The following LDB1 variants were observed in gnomAD, a reference collection of about 807,000 sequenced individuals.
LDB1 encodes the protein LIM domain binding 1.
LDB1 carries 6 observed loss-of-function variants against 49.7 expected under a neutral mutation model. The ratio of observed to expected loss-of-function variants is 0.12; its 90% CI spans 0.07 to 0.24. LDB1 has a LOEUF of 0.24. LDB1 is among the 10% of genes least tolerant of loss of function. LDB1 has a pLI of 1.00. For missense variants in LDB1, 341 were observed against 561.7 expected, an observed-to-expected ratio of 0.61 and a Z score of 3.97; for synonymous variants, 233 against 202.0, an observed-to-expected ratio of 1.15 and a Z score of -1.30.
intron 1 of LDB1, among the ~76,000 whole-genome samples, chr10:102,112,775 C>T (rs2068274299): frequency 6.6e-6 from 1 of 152,168 alleles, no homozygotes; most frequent in Non-Finnish European, 1.5e-5. Context: ...GTTCCTCAGT[C>T]TAGGGGCAAG....
At chr10:102,114,927 C>T in intron 1 of LDB1, 1 of 788,316 alleles carries the variant, frequency 1.3e-6, no homozygotes, top group Non-Finnish European at 1.5e-6. Context: ...CAGCGCCCGC[C>T]GGCTGCCTGC....
downstream of LDB1, among the ~76,000 whole-genome samples, chr10:102,104,966 GA>G (rs1442109133): frequency 3.9e-5 from 6 of 152,074 alleles, no homozygotes; most frequent in Admixed American, 3.3e-4. Flanking sequence ...AGGGCTCAAT[GA>G]ATAATATTTG....
intron 1 of LDB1, chr10:102,114,590 C>G: frequency 1.0e-6 from 1 of 985,364 alleles, no homozygotes; most frequent in South Asian, 4.7e-5. Context: ...TGCCTCGGCC[C>G]GCCCCGCGGC....
intron 6 of LDB1, 35 bp downstream of exon 6, chr10:102,110,494 T>C (rs2068235680): frequency 1.3e-6 from 2 of 1,588,426 alleles, no homozygotes; most frequent in Non-Finnish European, 1.7e-6. Context: ...CAAACCCAGG[T>C]GCCATGGTGT....
intron 1 of LDB1, chr10:102,115,006 G>T: frequency 3.7e-6 from 1 of 272,372 alleles, no homozygotes; most frequent in Non-Finnish European, 5.6e-6. Context: ...TCAGAATGAG[G>T]CCCCAGGGCG....
chr10:102,120,224 G>C lies in LDB1; in HGVS notation c.-114C>G. 1.0e-6 allele frequency: 1 copy of C among 984,824 alleles called. No homozygotes were observed. Among genetic ancestry groups the C allele is most frequent in the Non-Finnish European group, 1.2e-6 (1 of 830,468 alleles). The allele number at this position is 984,824 out of a possible 1,614,324, so 61.0% of individuals were successfully genotyped here. On this transcript the variant is annotated 5_prime_UTR_variant, in exon 1 of 11. Transcript: ENST00000673968. ...CGCGGCCCCCGCTGCGCTCGCCGCCGGCCCGGCCCGGCCTCGGCCCGGTGC... is the reference window on the plus strand; with the variant it reads ...CGCGGCCCCCGCTGCGCTCGCCGCCCGCCCGGCCCGGCCTCGGCCCGGTGC...
chr10:102,119,023 T>A (rs1381137290), intron 1 of LDB1, among the ~76,000 whole-genome samples: 2 of 152,160 alleles, frequency 1.3e-5, no homozygotes, highest in Non-Finnish European at 2.9e-5. Flanking sequence ...CTGGGTCACA[T>A]GATTTTCAAG....
chr10:102,118,424 A>G (rs2068359998), intron 1 of LDB1, among the ~76,000 whole-genome samples: 1 of 146,748 alleles, frequency 6.8e-6, no homozygotes, highest in Non-Finnish European at 1.5e-5. Flanking sequence ...CTTCCCACCC[A>G]CCCACAAACC....
In LDB1 at chr10:102,111,264, T is replaced by A. The variant is rs373017029; in HGVS notation, c.165A>T (p.Pro55=). The A allele has an allele frequency of 9.3e-6, 15 of 1,614,006 alleles. No homozygotes were observed. The highest frequency in any genetic ancestry group is 1.3e-5 in the Non-Finnish European group (15 of 1,180,016). Residue 55 remains proline, a synonymous_variant, in exon 3 of 11, where the codon CCA becomes CCT. Coordinates refer to ENST00000673968, the MANE Select transcript of LDB1 (RefSeq NM_001113407.3). ...CACTGGACTCCACTTACCCAATCCC[T>A]GGCTCCAGGTATGTAGGCGGATACA... ...TPMYPPTYLE[P]GIGRHTPYGN...
At chr10:102,118,307 G>A (rs925950059) in intron 1 of LDB1, among the ~76,000 whole-genome samples, 1 of 152,032 alleles carries the variant, frequency 6.6e-6, no homozygotes, top group Non-Finnish European at 1.5e-5. Context: ...ACTTCTTCAT[G>A]ATCTGGAAAA....
intron 5 of LDB1, 46 bp from the exon 6 acceptor site, chr10:102,110,747 G>A: frequency 6.3e-7 from 1 of 1,597,758 alleles, no homozygotes; most frequent in Non-Finnish European, 8.6e-7. Flanking sequence ...ACCGCAAAAG[G>A]GGCCAGGCAG....
intron 1 of LDB1, among the ~76,000 whole-genome samples, chr10:102,114,054 CGGA>C (rs2068295634): frequency 2.6e-5 from 4 of 152,200 alleles, no homozygotes; most frequent in Admixed American, 2.6e-4. Context: ...GGTGGGGGGA[CGGA>C]GGAGATGTGT....
chr10:102,113,518 C>T (rs2068286123), intron 1 of LDB1, among the ~76,000 whole-genome samples: 1 of 152,184 alleles, frequency 6.6e-6, no homozygotes, highest in South Asian at 2.1e-4. Context: ...CTCCCCAATC[C>T]ACAGACAGGC....
In LDB1 at chr10:102,109,205, G is replaced by C. The variant is rs540955953; in HGVS notation, c.857-28C>G. 1.9e-6 allele frequency: 3 copies of C among 1,612,500 alleles called. No homozygotes were observed. The South Asian group carries it at 3.3e-5, about 18-fold the overall frequency. On this transcript the variant is annotated intron_variant, in intron 9 of 10. Transcript: ENST00000673968. This position sits in a 1 kb window ranked among gnomAD's most constrained non-coding sequence, Gnocchi z 5.8. Reference sequence around the variant, plus strand: ...GTGCCGGTAAACGGAGACTCAGATGGGAGAGGGCCCCAGGTCCCCTATTCT... The same window carrying C: ...GTGCCGGTAAACGGAGACTCAGATGCGAGAGGGCCCCAGGTCCCCTATTCT...
rs1179101697 is a variant in LDB1 at position 102,109,092 on chromosome 10, G to T, written c.942C>A (p.Thr314=). The T allele has an allele frequency of 1.9e-6, 3 of 1,614,050 alleles. No individual in the cohort carries two copies. The highest frequency in any genetic ancestry group is 2.2e-5 in the South Asian group (2 of 91,094). Residue 314 remains threonine (T), a synonymous_variant, in exon 10 of 11, where the codon ACC becomes ACA. Transcript: ENST00000673968. The surrounding 1 kb of genome is among the most constrained non-coding windows in gnomAD (Gnocchi z 5.8). ...GSTMSSGGGN[T]NNSNSKKKSP... Reference sequence around the variant, plus strand: ...TCTTCTTCTTGCTGTTGCTGTTGTTGGTGTTGCCACCACCAGAGCTCATGG... The same window carrying T: ...TCTTCTTCTTGCTGTTGCTGTTGTTTGTGTTGCCACCACCAGAGCTCATGG...
At chr10:102,104,216 G>C (rs752716392), downstream of LDB1, among the ~76,000 whole-genome samples, 15 of 152,184 alleles carry the variant, frequency 9.9e-5, no homozygotes, top group Non-Finnish European at 2.1e-4. Flanking sequence ...AAGGAGCTGG[G>C]AGTCCAGGAG....
At chr10:102,110,271 G>A in intron 6 of LDB1, 2 of 624,922 alleles carry the variant, frequency 3.2e-6, no homozygotes, top group East Asian at 2.8e-5. Context: ...CTCTCCCCAT[G>A]TGGCTAGTGA....
At position 102,109,240 on chromosome 10, in the gene LDB1, C is replaced by T; in HGVS notation, c.857-63G>A. On this transcript the variant is annotated intron_variant, in intron 9 of 10. Transcript: ENST00000673968. This position sits in a 1 kb window ranked among gnomAD's most constrained non-coding sequence, Gnocchi z 5.8. ...CCAGGTCCCCTATTCTCCATTGTGG[C>T]TCCCAAGGAGCATGAGCCTGCCCTG... is the stretch of plus-strand genomic sequence containing the variant. 6.2e-7 allele frequency: 1 copy of T among 1,609,936 alleles called. No individual in the cohort carries two copies. The highest frequency in any genetic ancestry group is 8.5e-7 in the Non-Finnish European group (1 of 1,178,438).
Position 102,108,030 on chromosome 10 carries a change from C to T in LDB1, c.*63G>A, listed in dbSNP as rs1489399124. 1 of 1,258,760 alleles carries T rather than the reference C, an allele frequency of 7.9e-7. No homozygotes were observed. The highest frequency in any genetic ancestry group is 1.7e-5 in the Admixed American group (1 of 58,492). The allele number at this position is 1,258,760 out of a possible 1,614,324, so 78.0% of individuals were successfully genotyped here. Reference sequence around the variant, plus strand: ...CTCAGTCTCTTCATTCTGTCTTCTGCTCCCTGGGGCTGTGAGGGGTGGGGC... The same window carrying T: ...CTCAGTCTCTTCATTCTGTCTTCTGTTCCCTGGGGCTGTGAGGGGTGGGGC... On this transcript the variant is annotated 3_prime_UTR_variant, in exon 11 of 11. Transcript: ENST00000673968.
Sources: gnomAD v4.1 joint callset for allele counts (sites outside exome capture counted in the v4.1 genomes callset) on GRCh38, gnomAD v4.1.1 for gene constraint, Gnocchi (gnomAD v3.1) non-coding constraint, MANE v1.5 for transcripts, NCBI Gene and HGNC (gene_info 2026-07-23, HGNC 2026-07-21) for gene names.